Variants in PTPRD observed in about 807,000 individuals in gnomAD.
PTPRD encodes protein tyrosine phosphatase receptor type D, also known as receptor-type tyrosine-protein phosphatase delta.
Under a neutral mutation model 214.5 loss-of-function variants are expected in PTPRD, and 34 were observed. The observed-to-expected ratio is 0.16, with a 90% CI of 0.12 to 0.21. PTPRD has a LOEUF of 0.21. Ranked by LOEUF, PTPRD falls within the 10% of genes least tolerant of loss-of-function variation. PTPRD has a pLI of 1.00. For synonymous variants in PTPRD, 1,128 were observed against 845.7 expected (o/e 1.33, Z -5.79); for missense variants, 2,545 against 2,398.7 (o/e 1.06, Z -1.27).
rs61080071 is a variant in PTPRD at position 9,607,745 on chromosome 9, TAA to T, written c.-286-32966_-286-32965del. ...TATAATACAAAGAATAGACTGTTAG[TAA>T]AAAAAAAAAAAAAAATTCATTGGCA... is the stretch of plus-strand genomic sequence containing the variant. On this transcript the variant is annotated intron_variant, in intron 7 of 45. Coordinates refer to ENST00000381196, the MANE Select transcript of PTPRD (RefSeq NM_002839.4). Among the ~76,000 whole-genome samples the T allele has an allele frequency of 2.4e-3, 337 of 140,698 alleles. 2 individuals carry two copies. Among genetic ancestry groups the T allele is most frequent in the Middle Eastern group, 0.011 (3 of 272 alleles). 92.3% of individuals were successfully genotyped at this position (140,698 alleles called of 152,430 possible). A position where few individuals can be genotyped will look rare whatever the true frequency, so the allele number is the denominator to read the frequency against.
At chr9:10,281,619 A>T (rs1254491695) in intron 3 of PTPRD, among the ~76,000 whole-genome samples, 3 of 152,216 alleles carry the variant, frequency 2.0e-5, no homozygotes, top group African/African-American at 7.2e-5. Flanking sequence ...GACTCCATAG[A>T]TGTGCAAAAT....
chr9:10,247,279 A>C (rs2092257940), intron 3 of PTPRD, among the ~76,000 whole-genome samples: 1 of 152,162 alleles, frequency 6.6e-6, no homozygotes, highest in Admixed American at 6.6e-5. Context: ...TTGCAACTTG[A>C]ACTTAATCAA....
chr9:10,049,666 A>G (rs186113424), intron 3 of PTPRD, among the ~76,000 whole-genome samples: 2 of 152,228 alleles, frequency 1.3e-5, no homozygotes, highest in African/African-American at 4.8e-5. Context: ...TCTGCAGTTT[A>G]TAAGAATCTT....
chr9:8,633,817 C>G (rs1204388050), intron 13 of PTPRD, among the ~76,000 whole-genome samples: 1 of 151,994 alleles, frequency 6.6e-6, no homozygotes, highest in Non-Finnish European at 1.5e-5. Context: ...TATTCTTTCT[C>G]TCACAGCACA....
chr9:8,830,486 T>A (rs763746586), intron 11 of PTPRD, among the ~76,000 whole-genome samples: 1 of 152,092 alleles, frequency 6.6e-6, no homozygotes, highest in African/African-American at 2.4e-5. Flanking sequence ...AAGTGGAGAA[T>A]GGGCTTCAGT....
At chr9:10,218,337 AC>A (rs1004327246) in intron 3 of PTPRD, among the ~76,000 whole-genome samples, 31 of 152,030 alleles carry the variant, frequency 2.0e-4, no homozygotes, top group African/African-American at 7.2e-4. Flanking sequence ...AATTTTTACC[AC>A]CCAAGAGGTT....
intron 11 of PTPRD, among the ~76,000 whole-genome samples, chr9:8,850,796 G>C (rs1213129612): frequency 1.3e-5 from 2 of 152,186 alleles, no homozygotes; most frequent in Non-Finnish European, 2.9e-5. Context: ...CAAGTAGTTG[G>C]AATGTGTTTT....
At chr9:8,582,734 C>T (rs894214692) in intron 14 of PTPRD, among the ~76,000 whole-genome samples, 1 of 152,086 alleles carries the variant, frequency 6.6e-6, no homozygotes, top group African/African-American at 2.4e-5. Context: ...TCTGAAAATA[C>T]AAATATTGGC....
intron 9 of PTPRD, among the ~76,000 whole-genome samples, chr9:9,195,315 T>C (rs2099937881): frequency 6.6e-6 from 1 of 152,066 alleles, no homozygotes; most frequent in South Asian, 2.1e-4. Context: ...GTTTGGAAAA[T>C]AAATCAAAAT....
intron 2 of PTPRD, among the ~76,000 whole-genome samples, chr9:10,433,901 A>T (rs565749248): frequency 4.5e-4 from 68 of 152,046 alleles, no homozygotes; most frequent in African/African-American, 1.5e-3. Context: ...ACTGTATTTT[A>T]AAACATTACA....
At chr9:8,729,995 G>C (rs1357196007) in intron 12 of PTPRD, among the ~76,000 whole-genome samples, 1 of 152,104 alleles carries the variant, frequency 6.6e-6, no homozygotes, top group Non-Finnish European at 1.5e-5. Flanking sequence ...GGTGGCTCAC[G>C]CCTGTAATCC....
At chr9:9,345,822 C>T (rs1483906471) in intron 9 of PTPRD, among the ~76,000 whole-genome samples, 1 of 152,066 alleles carries the variant, frequency 6.6e-6, no homozygotes, top group Non-Finnish European at 1.5e-5. Context: ...GATTAACAAA[C>T]ATTAGGTTAT....
At chr9:9,567,782 G>C (rs2085041417) in intron 8 of PTPRD, among the ~76,000 whole-genome samples, 1 of 151,912 alleles carries the variant, frequency 6.6e-6, no homozygotes. Context: ...TAAATGCAGA[G>C]GGTAAACACA....
At chr9:8,426,067 T>A (rs1255224463) in intron 35 of PTPRD, among the ~76,000 whole-genome samples, 1 of 152,042 alleles carries the variant, frequency 6.6e-6, no homozygotes, top group South Asian at 2.1e-4. Context: ...AAGATAAAAA[T>A]CACTTGAGAA....
chr9:9,550,381 TTC>T lies in PTPRD; in HGVS notation c.-237+24349_-237+24350del, dbSNP rs201154719. 4.3e-3 allele frequency among the ~76,000 whole-genome samples: 645 copies of T among 149,020 alleles called. 5 individuals are homozygous for T. The highest frequency in any genetic ancestry group is 5.9e-3 in the Non-Finnish European group (394 of 67,320). On this transcript the variant is annotated intron_variant, in intron 8 of 45. Coordinates refer to ENST00000381196, the MANE Select transcript of PTPRD (RefSeq NM_002839.4). ...ATATATATTTCTCATATACATATAG[TTC>T]TCTCTCTATATATATGAAATGTATA...
At chr9:8,959,590 T>C (rs2099148555) in intron 11 of PTPRD, among the ~76,000 whole-genome samples, 1 of 151,984 alleles carries the variant, frequency 6.6e-6, no homozygotes, top group Admixed American at 6.6e-5. Context: ...TCAGATGATA[T>C]ATCAGAAGAT....
chr9:8,543,919 C>A (rs1057348070), intron 14 of PTPRD, among the ~76,000 whole-genome samples: 5 of 152,062 alleles, frequency 3.3e-5, no homozygotes, highest in Non-Finnish European at 7.4e-5. Flanking sequence ...ACCATATTGG[C>A]CAGGCTGGTC....
intron 14 of PTPRD, among the ~76,000 whole-genome samples, chr9:8,600,306 C>T (rs914099737): frequency 1.3e-5 from 2 of 152,120 alleles, no homozygotes; most frequent in Non-Finnish European, 2.9e-5. Flanking sequence ...ACTCTGAGGC[C>T]GTATGTGAAC....
At chr9:9,299,183 G>A (rs184006626) in intron 9 of PTPRD, among the ~76,000 whole-genome samples, 1 of 151,828 alleles carries the variant, frequency 6.6e-6, no homozygotes, top group East Asian at 2.0e-4. Flanking sequence ...ACTACATAGA[G>A]TATTAATTTT....
Sources: allele counts gnomAD v4.1 joint callset (sites outside exome capture counted in the v4.1 genomes callset), GRCh38; gene constraint gnomAD v4.1.1; transcripts MANE v1.5; gene names NCBI Gene and HGNC (gene_info 2026-07-23, HGNC 2026-07-21).